ABI1: variants seen among roughly 807,000 people sequenced by gnomAD.
The protein encoded by ABI1 is abl interactor 1, also known as Abelson interactor 1.
A neutral mutation model predicts 54.6 loss-of-function variants in ABI1; 14 were observed. That is an observed-to-expected ratio of 0.26 (90% CI 0.17 to 0.40). The LOEUF (loss-of-function observed/expected upper bound fraction) is 0.40. Ranked by LOEUF, ABI1 falls within the 10% of genes least tolerant of loss-of-function variation. The pLI, the probability that ABI1 is intolerant of heterozygous loss-of-function variation, is 1.00. For missense variants in ABI1, 443 were observed against 598.3 expected, an observed-to-expected ratio of 0.74 and a Z score of 2.71; for synonymous variants, 194 against 209.3, an observed-to-expected ratio of 0.93 and a Z score of 0.63.
chr10:26,763,333 C>T (rs1388571223), intron 7 of ABI1, among the ~76,000 whole-genome samples: 1 of 152,120 alleles, frequency 6.6e-6, no homozygotes. Context: ...TCCTTATATG[C>T]TCAGTTCAGT....
At chr10:26,830,954 T>TG (rs2048632044) in intron 1 of ABI1, among the ~76,000 whole-genome samples, 1 of 152,162 alleles carries the variant, frequency 6.6e-6, no homozygotes, top group African/African-American at 2.4e-5. Context: ...TGGAATGCAG[T>TG]GGCACGATCA....
At chr10:26,749,741 T>C (rs1837376348) in intron 10 of ABI1, among the ~76,000 whole-genome samples, 1 of 152,240 alleles carries the variant, frequency 6.6e-6, no homozygotes, top group African/African-American at 2.4e-5. Flanking sequence ...AAATGGCCCA[T>C]GGACAAATCC....
At position 26,751,463 on chromosome 10, in the gene ABI1, A is replaced by G. The variant is rs1006368025; in HGVS notation, c.1270+135T>C. On this transcript the variant is annotated intron_variant, in intron 10 of 10. Transcript: ENST00000376140. ...GGGAATAATACAAAACTTAGGAAGTAAGGTTTAAGTAAATCATCTTGGTTG... is the reference window on the plus strand; with the variant it reads ...GGGAATAATACAAAACTTAGGAAGTGAGGTTTAAGTAAATCATCTTGGTTG... The G allele has an allele frequency of 7.5e-6, 6 of 797,586 alleles. No homozygotes were observed. The Admixed American group carries it at 1.1e-4, about 14-fold the overall frequency. The allele number at this position is 797,586 out of a possible 1,614,324, so 49.4% of individuals were successfully genotyped here. A position where few individuals can be genotyped will look rare whatever the true frequency, so the allele number is the denominator to read the frequency against.
chr10:26,843,511 T>C (rs1261765081), intron 1 of ABI1, among the ~76,000 whole-genome samples: 1 of 113,234 alleles, frequency 8.8e-6, no homozygotes. Flanking sequence ...TATATATATA[T>C]ATATGTAGAA....
chr10:26,818,631 C>CAAAAAAAAAA (rs376157276), intron 2 of ABI1, among the ~76,000 whole-genome samples: 2,594 of 72,572 alleles, frequency 0.036, 100 homozygotes, highest in East Asian at 0.1. Flanking sequence ...GACCCCGTCA[C>CAAAAAAAAAA]AAAAAAAAAA....
chr10:26,770,454 A>G, intron 4 of ABI1, 109 bp from the exon 5 acceptor site: 1 of 1,116,166 alleles, frequency 9.0e-7, no homozygotes, highest in South Asian at 1.2e-5. Flanking sequence ...AAGGATTCCC[A>G]GACAGTTTGA....
At chr10:26,786,096 A>C (rs962635164) in intron 2 of ABI1, among the ~76,000 whole-genome samples, 5 of 152,232 alleles carry the variant, frequency 3.3e-5, no homozygotes, top group African/African-American at 1.2e-4. Flanking sequence ...TTTTATAGTG[A>C]AACAATTCAC....
At chr10:26,751,933 G>T in intron 9 of ABI1, 150 bp from the exon 10 acceptor site, 3 of 726,670 alleles carry the variant, frequency 4.1e-6, no homozygotes, top group Non-Finnish European at 6.4e-6. Context: ...GTGTGTTAAA[G>T]TTTATGCTAC....
chr10:26,844,470 C>T (rs916738565), intron 1 of ABI1, among the ~76,000 whole-genome samples: 6 of 152,206 alleles, frequency 3.9e-5, no homozygotes, highest in Non-Finnish European at 7.3e-5. Context: ...AAGACATGCA[C>T]CTCATGCCAC....
intron 1 of ABI1, among the ~76,000 whole-genome samples, chr10:26,858,230 T>C (rs1279932356): frequency 1.3e-5 from 2 of 152,124 alleles, no homozygotes; most frequent in African/African-American, 2.4e-5. Flanking sequence ...ACAGGAAGGA[T>C]ACAGAAAGAC....
rs2048669621 is a variant in ABI1, at chr10:26,831,473, G to A, written c.118-8168C>T. On this transcript the variant is annotated intron_variant, in intron 1 of 10. Coordinates refer to ENST00000376140, the MANE Select transcript of ABI1 (RefSeq NM_001012750.3). Reference sequence around the variant, plus strand: ...CGTAAGAATCACTTGGACCCAGGAGGCGGAGCTTGCAGTGAGCCGAGATAG... The same window carrying A: ...CGTAAGAATCACTTGGACCCAGGAGACGGAGCTTGCAGTGAGCCGAGATAG... Among the ~76,000 whole-genome samples the A allele has an allele frequency of 2.0e-5, 3 of 152,158 alleles. No homozygotes were observed. In the South Asian group the frequency reaches 6.2e-4, roughly 31 times the overall value.
intron 1 of ABI1, among the ~76,000 whole-genome samples, chr10:26,857,018 G>A (rs1564595429): frequency 1.3e-5 from 2 of 152,172 alleles, no homozygotes; most frequent in East Asian, 3.9e-4. Context: ...CTACATAAAT[G>A]ACTATATAAA....
At chr10:26,854,605 T>C (rs1287244882) in intron 1 of ABI1, among the ~76,000 whole-genome samples, 1 of 152,236 alleles carries the variant, frequency 6.6e-6, no homozygotes, top group East Asian at 1.9e-4. Flanking sequence ...GGATCTTCCA[T>C]AAAATTATCT....
chr10:26,784,703 T>C (rs1353001156), intron 2 of ABI1, among the ~76,000 whole-genome samples: 1 of 152,196 alleles, frequency 6.6e-6, no homozygotes, highest in African/African-American at 2.4e-5. Context: ...GAAAAATCAC[T>C]ATAATGGGAG....
chr10:26,763,298 T>C (rs537879446), intron 7 of ABI1, among the ~76,000 whole-genome samples: 3 of 152,234 alleles, frequency 2.0e-5, no homozygotes, highest in South Asian at 2.1e-4. Flanking sequence ...GGTTTTTACA[T>C]TGACATTTAA....
chr10:26,787,867 A>C (rs2133119559), intron 2 of ABI1, among the ~76,000 whole-genome samples: 1 of 152,052 alleles, frequency 6.6e-6, no homozygotes, highest in African/African-American at 2.4e-5. Flanking sequence ...ACTGGTTAAA[A>C]AAAAAAAAAA....
intron 2 of ABI1, among the ~76,000 whole-genome samples, chr10:26,819,528 T>C (rs571742010): frequency 3.3e-5 from 5 of 152,326 alleles, no homozygotes; most frequent in South Asian, 2.1e-4. Flanking sequence ...AACAATTAGA[T>C]AGAATCAGTA....
In ABI1 at chr10:26,748,598, A is replaced by G; in HGVS notation, c.1418T>C (p.Val473Ala). ...ATCAGTATAGTGCATGATTGATTCA[A>G]CATAGTTCCCAGGGAACAGACCAGT... ...RVTGLFPGNY[V>A]ESIMHYTD The change falls in exon 11 of 11, where the codon GTT (valine) becomes GCT (alanine). Residue 473 changes from valine (V) to alanine (A), a missense_variant. Physicochemically the swap from Val to Ala is moderately conservative, Grantham distance 64. Transcript: ENST00000376140. The G allele has an allele frequency of 6.2e-7, 1 of 1,613,328 alleles. No homozygotes were observed. The highest frequency in any genetic ancestry group is 8.5e-7 in the Non-Finnish European group (1 of 1,179,762).
intron 2 of ABI1, among the ~76,000 whole-genome samples, chr10:26,793,000 C>A (rs1843667904): frequency 6.6e-6 from 1 of 152,156 alleles, no homozygotes; most frequent in Non-Finnish European, 1.5e-5. Context: ...ACTTAACGTT[C>A]CATGGATTTT....
Sources: gnomAD v4.1 joint callset for allele counts (sites outside exome capture counted in the v4.1 genomes callset) on GRCh38, gnomAD v4.1.1 for gene constraint, MANE v1.5 for transcripts, NCBI Gene and HGNC (gene_info 2026-07-23, HGNC 2026-07-21) for gene names.